HAVCR1: variants seen among roughly 807,000 people sequenced by gnomAD.
The protein encoded by HAVCR1 is T cell immunoglobin domain and mucin domain protein 1.
Under a neutral mutation model 32.0 loss-of-function variants are expected in HAVCR1, and 34 were observed. The observed-to-expected ratio is 1.06, with a 90% CI of 0.81 to 1.42. The LOEUF (loss-of-function observed/expected upper bound fraction) is 1.42, where lower values mean the gene tolerates loss of function less well. Ranked by LOEUF, HAVCR1 falls within the 40% of genes most tolerant of loss-of-function variation. The pLI is 0.00. For missense variants in HAVCR1, 420 were observed against 442.3 expected (o/e 0.95, Z 0.45); for synonymous variants, 178 against 170.3 (o/e 1.05, Z -0.35).
At chr5:157,057,824 T>G in intron 2 of HAVCR1, 74 bp downstream of exon 2, 3 of 922,418 alleles carry the variant, frequency 3.3e-6, no homozygotes, top group Non-Finnish European at 5.3e-6. Context: ...TCCCCTCCCC[T>G]TCCCCTACCC....
At chr5:157,029,866 A>C (rs942742881) in intron 8 of HAVCR1, 25 bp from the exon 9 acceptor site, 3 of 1,600,408 alleles carry the variant, frequency 1.9e-6, no homozygotes, top group African/African-American at 1.3e-5. Flanking sequence ...GTTGAAGAAT[A>C]ACATGAGTAA....
At chr5:157,068,501 C>T in the HAVCR1 span, among the ~76,000 whole-genome samples, 45 of 151,412 alleles carry the variant, frequency 3.0e-4, no homozygotes, top group Admixed American at 3.0e-3. Flanking sequence ...GTGGGAGGAT[C>T]GCTTGGGCCC....
At chr5:157,054,294 G>A (rs888919863) in intron 3 of HAVCR1, among the ~76,000 whole-genome samples, 1 of 151,754 alleles carries the variant, frequency 6.6e-6, no homozygotes, top group Non-Finnish European at 1.5e-5. Flanking sequence ...GAGGTCAGGA[G>A]TTCAAGACCA....
At chr5:157,031,647 C>T (rs1754178324) in intron 8 of HAVCR1, among the ~76,000 whole-genome samples, 1 of 151,936 alleles carries the variant, frequency 6.6e-6, no homozygotes, top group Admixed American at 6.6e-5. Context: ...TGGCAGAACC[C>T]CGTCTCTATT....
In HAVCR1 at chr5:157,055,151, C is replaced by T. The variant is rs776615223; in HGVS notation, c.379+50G>A. 2.9e-6 allele frequency: 3 copies of T among 1,018,014 alleles called. No individual in the cohort carries two copies. The South Asian group carries it at 5.1e-5, about 17-fold the overall frequency. 63.1% of individuals were successfully genotyped at this position (1,018,014 alleles called of 1,614,324 possible). A position where few individuals can be genotyped will look rare whatever the true frequency, so the allele number is the denominator to read the frequency against. Reference sequence around the variant, plus strand: ...CTATTAAGAAAAAAGAAAATTACTACCGAACAGAAAATTCAATTAACTAGC... The same window carrying T: ...CTATTAAGAAAAAAGAAAATTACTATCGAACAGAAAATTCAATTAACTAGC... On this transcript the variant is annotated intron_variant, in intron 3 of 8. Transcript: ENST00000523175.
At chr5:157,037,851 T>G (rs144432160) in intron 6 of HAVCR1, among the ~76,000 whole-genome samples, 2,964 of 151,838 alleles carry the variant, frequency 0.02, 46 homozygotes, top group Non-Finnish European at 0.033. Flanking sequence ...CCATCTCTAC[T>G]AAAAATACAA....
chr5:157,054,201 A>AAC (rs1416235716), intron 3 of HAVCR1, among the ~76,000 whole-genome samples: 7 of 150,872 alleles, frequency 4.6e-5, no homozygotes, highest in African/African-American at 9.7e-5. Context: ...AAAAAAAAAA[A>AAC]AAAAAAAAAA....
At chr5:157,044,615 G>GAAAGAAAGAAAGAAAAAGAAAGAAAGAA (rs760337335) in intron 5 of HAVCR1, among the ~76,000 whole-genome samples, 19 of 52,726 alleles carry the variant, frequency 3.6e-4, no homozygotes, top group South Asian at 8.3e-4. Context: ...AAGAAAGAAA[G>GAAAGAAAGAAAGAAAAAGAAAGAAAGAA]AGAAAGAAAG....
upstream of HAVCR1, among the ~76,000 whole-genome samples, chr5:157,063,933 C>T (rs1176183311): frequency 1.3e-5 from 2 of 152,180 alleles, no homozygotes; most frequent in Non-Finnish European, 2.9e-5. Context: ...GTTTACAGGG[C>T]AAGAGAGGCC....
At chr5:157,031,261 C>T (rs1434618153) in intron 8 of HAVCR1, among the ~76,000 whole-genome samples, 1 of 152,182 alleles carries the variant, frequency 6.6e-6, no homozygotes, top group Non-Finnish European at 1.5e-5. Context: ...ATGCTGGGCA[C>T]TGTTCAGACA....
chr5:157,058,048 C>T, intron 1 of HAVCR1, 93 bp from the exon 2 acceptor site: 1 of 896,054 alleles, frequency 1.1e-6, no homozygotes, highest in Non-Finnish European at 1.9e-6. Context: ...TATCTTTTCA[C>T]CCAGTTGGTT....
At chr5:157,031,335 T>G (rs1337750018) in intron 8 of HAVCR1, among the ~76,000 whole-genome samples, 2 of 152,142 alleles carry the variant, frequency 1.3e-5, no homozygotes, top group African/African-American at 4.8e-5. Context: ...AAGCATCCAA[T>G]GAAGGAGAAC....
At chr5:157,037,092 T>C in intron 7 of HAVCR1, 155 bp downstream of exon 7, 1 of 642,228 alleles carries the variant, frequency 1.6e-6, no homozygotes, top group Non-Finnish European at 2.8e-6. Context: ...CCCCTTGAGG[T>C]AGATGGTATT....
At chr5:157,060,319 C>T (rs1437411170), upstream of HAVCR1, among the ~76,000 whole-genome samples, 1 of 152,136 alleles carries the variant, frequency 6.6e-6, no homozygotes, top group African/African-American at 2.4e-5. Context: ...TCTTCTACCA[C>T]TCTCTCCCCT....
In HAVCR1 at chr5:157,044,615, GAGAAAGAAAGAAAGAAAGAAAGAA is replaced by G. The variant is rs1554090477; in HGVS notation, c.782-1957_782-1934del. On this transcript the variant is annotated intron_variant, in intron 5 of 8. Transcript: ENST00000523175. ...AGAAAGAAAGAAAGAAAGAAAGAAAGAGAAAGAAAGAAAGAAAGAAAGAAAGAAAGAAAGAAAGAAAGAAAGAAA... is the reference window on the plus strand; with the variant it reads ...AGAAAGAAAGAAAGAAAGAAAGAAAGAGAAAGAAAGAAAGAAAGAAAGAAA... Among the ~76,000 whole-genome samples the G allele has an allele frequency of 5.3e-4, 28 of 52,724 alleles. 1 individual carries two copies. The highest frequency in any genetic ancestry group is 1.8e-3 in the Admixed American group (7 of 4,000). The allele number at this position is 52,724 out of a possible 152,430, so 34.6% of individuals were successfully genotyped here. A position where few individuals can be genotyped will look rare whatever the true frequency, so the allele number is the denominator to read the frequency against.
chr5:157,051,404 C>T (rs1755727561), intron 4 of HAVCR1, among the ~76,000 whole-genome samples: 1 of 152,042 alleles, frequency 6.6e-6, no homozygotes, highest in African/African-American at 2.4e-5. Flanking sequence ...TAGATCAGGG[C>T]AAACTCATCC....
chr5:157,058,359 C>T (rs9313422), intron 1 of HAVCR1: 48 of 158,990 alleles, frequency 3.0e-4, no homozygotes, highest in South Asian at 1.7e-3. Context: ...GTCAGGAGAT[C>T]GAGACCATCC....
At chr5:157,065,713 G>A in the HAVCR1 span, among the ~76,000 whole-genome samples, 6 of 152,112 alleles carry the variant, frequency 3.9e-5, no homozygotes, top group African/African-American at 1.4e-4. Context: ...AAATTGGCCG[G>A]GTGTGATGGC....
At chr5:157,043,668 C>CA (rs897758070) in intron 5 of HAVCR1, among the ~76,000 whole-genome samples, 1 of 151,832 alleles carries the variant, frequency 6.6e-6, no homozygotes, top group African/African-American at 2.4e-5. Context: ...ACCCTGTCCC[C>CA]AAAAAAGAGT....
Sources: allele counts gnomAD v4.1 joint callset (sites outside exome capture counted in the v4.1 genomes callset), GRCh38; gene constraint gnomAD v4.1.1; transcripts MANE v1.5; gene names NCBI Gene and HGNC (gene_info 2026-07-23, HGNC 2026-07-21).